The following RAB27B variants were observed in gnomAD, a reference collection of about 807,000 sequenced individuals.
RAB27B encodes the protein ras-related protein Rab-27B.
In RAB27B, 15 loss-of-function variants were observed where a neutral mutation model predicts 24.6. The ratio of observed to expected loss-of-function variants is 0.61; its 90% CI spans 0.41 to 0.94. The LOEUF is 0.94. Ranked by LOEUF, RAB27B falls within the 40% of genes least tolerant of loss-of-function variation. RAB27B has a pLI of 0.00. For missense variants in RAB27B, 261 were observed against 266.8 expected, an observed-to-expected ratio of 0.98 and a Z score of 0.15; for synonymous variants, 105 against 92.5, an observed-to-expected ratio of 1.14 and a Z score of -0.78.
At chr18:54,750,854 G>T (rs73959274) in intron 2 of RAB27B, among the ~76,000 whole-genome samples, 2 of 152,216 alleles carry the variant, frequency 1.3e-5, no homozygotes, top group African/African-American at 4.8e-5. Context: ...TAACAGAAAT[G>T]AGTCTTAGGT....
chr18:54,797,802 A>G (rs1909472326), intron 2 of RAB27B, among the ~76,000 whole-genome samples: 1 of 152,182 alleles, frequency 6.6e-6, no homozygotes, highest in African/African-American at 2.4e-5. Flanking sequence ...AAGTTTGTAG[A>G]TTTTTAAAGA....
At chr18:54,804,879 T>C (rs1178006885) in intron 2 of RAB27B, among the ~76,000 whole-genome samples, 1 of 50,380 alleles carries the variant, frequency 2.0e-5, no homozygotes, top group Non-Finnish European at 4.3e-5. Flanking sequence ...TTTTCTTTTT[T>C]CTTTCTTTCT....
intron 2 of RAB27B, among the ~76,000 whole-genome samples, chr18:54,750,478 G>C (rs940962138): frequency 6.6e-6 from 1 of 151,764 alleles, no homozygotes; most frequent in Non-Finnish European, 1.5e-5. Context: ...CCTATTCATC[G>C]TTAGTCAATT....
At position 54,796,046 on chromosome 18, in the gene RAB27B, A is replaced by AAC. The variant is rs201466449; in HGVS notation, c.-20+77908_-20+77909dup. Among the ~76,000 whole-genome samples, 705 of 152,264 alleles carry AAC rather than the reference A, an allele frequency of 4.6e-3. 10 individuals are homozygous for AAC. Among genetic ancestry groups the AAC allele is most frequent in the African/African-American group, 0.015 (606 of 41,552 alleles). On this transcript the variant is annotated intron_variant, in intron 2 of 4. Coordinates refer to the RAB27B transcript ENST00000586570. ...CCTTGTGTCCCTCTGTCCCCAGGCA[A>AAC]ACACTGATCTGCTTTCTATTACTAT... is the stretch of plus-strand genomic sequence containing the variant.
chr18:54,786,651 T>G (rs1909096042), intron 2 of RAB27B, among the ~76,000 whole-genome samples: 1 of 152,258 alleles, frequency 6.6e-6, no homozygotes, highest in South Asian at 2.1e-4. Context: ...AATTATTCTG[T>G]AATTATTCTA....
chr18:54,828,823 T>A (rs1288042520), intron 1 of RAB27B, 123 bp downstream of exon 1: 1 of 152,482 alleles, frequency 6.6e-6, no homozygotes, highest in Non-Finnish European at 1.5e-5. Flanking sequence ...TGTGAGTGCG[T>A]GTGCACCTTC....
At chr18:54,885,013 C>A (rs1051966093) in intron 4 of RAB27B, among the ~76,000 whole-genome samples, 1 of 152,272 alleles carries the variant, frequency 6.6e-6, no homozygotes, top group East Asian at 1.9e-4. Flanking sequence ...AAAGACAAAT[C>A]TCCAGCCCCT....
rs1456963220 is a variant in RAB27B at position 54,780,411 on chromosome 18, C to T, written c.-20+62270C>T. Among the ~76,000 whole-genome samples the T allele has an allele frequency of 4.3e-5, 6 of 138,240 alleles. No homozygotes were observed. In the East Asian group the frequency reaches 1.1e-3, roughly 26 times the overall value. 90.7% of individuals were successfully genotyped at this position (138,240 alleles called of 152,430 possible). A position where few individuals can be genotyped will look rare whatever the true frequency, so the allele number is the denominator to read the frequency against. The stretch of plus-strand genomic sequence containing the variant: ...CTGCTTCCCCCTCACCCTGTCTCCC[C>T]TCTCCTGATGGCTTCCCCCTCACCG... On this transcript the variant is annotated intron_variant, in intron 2 of 4. Coordinates refer to the RAB27B transcript ENST00000586570.
In RAB27B at chr18:54,806,396, T is replaced by A. The variant is rs1430550371; in HGVS notation, c.-19-71171T>A. Among the ~76,000 whole-genome samples, 24 of 150,852 alleles carry A rather than the reference T, an allele frequency of 1.6e-4. 1 individual carries two copies. The highest frequency in any genetic ancestry group is 7.0e-3 in the Middle Eastern group (2 of 286). On this transcript the variant is annotated intron_variant, in intron 2 of 4. Coordinates refer to the RAB27B transcript ENST00000586570. ...GAGGAGCAGTCTCTCTTTTTATATC[T>A]TTTCACTTTGATTTCAAGTATATGT... is the stretch of plus-strand genomic sequence containing the variant.
chr18:54,858,567 A>G (rs571326268), intron 1 of RAB27B, among the ~76,000 whole-genome samples: 6 of 151,670 alleles, frequency 4.0e-5, no homozygotes, highest in South Asian at 2.1e-4. Context: ...CTTTTTTTAT[A>G]TATTTTTAGT....
rs190076505 is a variant in RAB27B, at chr18:54,888,663, C to G, written c.467+545C>G. On this transcript the variant is annotated intron_variant, in intron 5 of 5. Transcript: ENST00000262094. ...ACCCCATGTAATTGTAAATTGACTT[C>G]CGTGGCAGAATCTGTCATTATTCTT... Among the ~76,000 whole-genome samples, 268 of 151,874 alleles carry G rather than the reference C, an allele frequency of 1.8e-3. 2 individuals are homozygous for G. Among genetic ancestry groups the G allele is most frequent in the African/African-American group, 5.9e-3 (244 of 41,482 alleles).
chr18:54,868,332 C>G (rs984612373), intron 1 of RAB27B, among the ~76,000 whole-genome samples: 1 of 152,126 alleles, frequency 6.6e-6, no homozygotes, highest in African/African-American at 2.4e-5. Context: ...TACCTGCTCC[C>G]CTTTTGCCTT....
chr18:54,814,207 T>G (rs12960257), intron 2 of RAB27B, among the ~76,000 whole-genome samples: 34,711 of 152,150 alleles, frequency 0.23, 4,219 homozygotes, highest in East Asian at 0.4. Flanking sequence ...AATAAATATT[T>G]CAGACTTGTA....
chr18:54,860,308 A>G (rs1447317392), intron 1 of RAB27B, among the ~76,000 whole-genome samples: 1 of 152,152 alleles, frequency 6.6e-6, no homozygotes, highest in African/African-American at 2.4e-5. Flanking sequence ...GCCTCTTTCC[A>G]TGATACCATT....
chr18:54,825,936 T>A (rs7231263), upstream of RAB27B, among the ~76,000 whole-genome samples: 110,067 of 152,132 alleles, frequency 0.72, 40,160 homozygotes, highest in Middle Eastern at 0.85. Flanking sequence ...GGCTTGCTTT[T>A]TACCATAATC....
In RAB27B at chr18:54,889,460, T is replaced by C. The variant is rs746721520; in HGVS notation, c.*47T>C. On this transcript the variant is annotated 3_prime_UTR_variant, in exon 6 of 6. Coordinates refer to ENST00000262094, the MANE Select transcript of RAB27B (RefSeq NM_004163.4). ...TCAAGAACCCCACCAAAATATTACT[T>C]TTAAAAACAATGACAAACCACACAA... The C allele has an allele frequency of 2.7e-6, 4 of 1,509,100 alleles. No homozygotes were observed. In the African/African-American group the frequency reaches 5.7e-5, roughly 21 times the overall value. 93.5% of individuals were successfully genotyped at this position (1,509,100 alleles called of 1,614,324 possible).
In RAB27B at chr18:54,891,795, T is replaced by G. The variant is rs893639424; in HGVS notation, c.*2382T>G. On this transcript the variant is annotated 3_prime_UTR_variant, in exon 6 of 6. Coordinates refer to ENST00000262094, the MANE Select transcript of RAB27B (RefSeq NM_004163.4). ...TGATAGCTGTAGCATGAAGCAGAGG[T>G]TGATGATGCCCATAATTGCAAGACT... 7.2e-5 allele frequency: 11 copies of G among 152,044 alleles called. No individual in the cohort carries two copies. Among genetic ancestry groups the G allele is most frequent in the Non-Finnish European group, 1.5e-4 (10 of 67,990 alleles). The allele number at this position is 152,044 out of a possible 1,614,324, so 9.4% of individuals were successfully genotyped here.
chr18:54,834,292 A>T (rs1362414432), intron 1 of RAB27B, among the ~76,000 whole-genome samples: 1 of 152,214 alleles, frequency 6.6e-6, no homozygotes, highest in South Asian at 2.1e-4. Context: ...GAACAGTTTC[A>T]TAGAAAGGAG....
At chr18:54,888,679 C>T (rs1913244965) in intron 5 of RAB27B, among the ~76,000 whole-genome samples, 1 of 151,590 alleles carries the variant, frequency 6.6e-6, no homozygotes, top group South Asian at 2.1e-4. Flanking sequence ...CAGAATCTGT[C>T]ATTATTCTTT....
Sources: gnomAD v4.1 joint callset for allele counts (sites outside exome capture counted in the v4.1 genomes callset) on GRCh38, gnomAD v4.1.1 for gene constraint, MANE v1.5 for transcripts, NCBI Gene and HGNC (gene_info 2026-07-23, HGNC 2026-07-21) for gene names.